Variants in SMC2 observed in about 807,000 individuals in gnomAD.
SMC2 encodes the protein structural maintenance of chromosomes 2, also known as structural maintenance of chromosomes protein 2.
Under a neutral mutation model 142.6 loss-of-function variants are expected in SMC2, and 41 were observed. The observed-to-expected ratio is 0.29, with a 90% CI of 0.22 to 0.37. The LOEUF (loss-of-function observed/expected upper bound fraction) is 0.37. SMC2 is among the 10% of genes least tolerant of loss of function. The probability of loss-of-function intolerance (pLI) is 1.00; values close to 1 mark genes in which losing one functional copy is unlikely to be tolerated. For missense variants in SMC2, 1,265 were observed against 1,373.7 expected, an observed-to-expected ratio of 0.92 and a Z score of 1.25; for synonymous variants, 463 against 457.5, an observed-to-expected ratio of 1.01 and a Z score of -0.15.
At chr9:104,094,131 C>G (rs1045013176), upstream of SMC2, 7 of 368,908 alleles carry the variant, frequency 1.9e-5, no homozygotes, top group Middle Eastern at 6.9e-4. Flanking sequence ...TCCTGTAGTG[C>G]CCAGGCCCCT....
chr9:104,112,432 T>A (rs1372005477), intron 10 of SMC2, among the ~76,000 whole-genome samples: 1 of 152,138 alleles, frequency 6.6e-6, no homozygotes, highest in African/African-American at 2.4e-5. Context: ...GCAGAAAAAA[T>A]ACATGTACAC....
At position 104,124,209 on chromosome 9, in the gene SMC2, C is replaced by T. The variant is rs1179540941; in HGVS notation, c.2258-703C>T. ...TGGGTTCAGGTGCCTTCCTCAGCCTCCCGAGTAGCTGGGACTACAGGCGTG... is the reference window on the plus strand; with the variant it reads ...TGGGTTCAGGTGCCTTCCTCAGCCTTCCGAGTAGCTGGGACTACAGGCGTG... On this transcript the variant is annotated intron_variant, in intron 17 of 24. Transcript: ENST00000374793. Among the ~76,000 whole-genome samples, 5 of 152,266 alleles carry T rather than the reference C, an allele frequency of 3.3e-5. No individual in the cohort carries two copies. In the East Asian group the frequency reaches 9.7e-4, roughly 30 times the overall value.
rs1835913504 is a variant in SMC2 at position 104,139,827 on chromosome 9, C to T, written c.*512C>T. On this transcript the variant is annotated 3_prime_UTR_variant, in exon 25 of 25. Coordinates refer to ENST00000374793, the MANE Select transcript of SMC2 (RefSeq NM_006444.3). ...AGGCTAGTTTTTTAAGGCCACAACT[C>T]CAGACCCCTGATTTAGACTGAGATA... 1 of 152,246 alleles carries T rather than the reference C, an allele frequency of 6.6e-6. No individual in the cohort carries two copies. The highest frequency in any genetic ancestry group is 2.1e-4 in the South Asian group (1 of 4,822). The allele number at this position is 152,246 out of a possible 1,614,324, so 9.4% of individuals were successfully genotyped here. A position where few individuals can be genotyped will look rare whatever the true frequency, so the allele number is the denominator to read the frequency against.
chr9:104,116,200 G>A lies in SMC2; in HGVS notation c.1672G>A (p.Val558Ile), dbSNP rs1428758652. Residue 558 changes from valine to isoleucine, a missense_variant and splice_region_variant, in exon 14 of 25, where the codon GTT (valine) becomes ATT (isoleucine). Physicochemically the swap from Val to Ile is conservative, Grantham distance 29. Around this residue, in one of 4 missense-constraint regions of SMC2, gnomAD observed 898 missense variants for 904.2 expected, o/e 0.99. Coordinates refer to ENST00000374793, the MANE Select transcript of SMC2 (RefSeq NM_006444.3). Reference sequence around the variant, plus strand: ...TTTTAAATTCAAATGTGTGTTGTAGGTTACTGGTAAAAAGCTACTAGAAAG... The same window carrying A: ...TTTTAAATTCAAATGTGTGTTGTAGATTACTGGTAAAAAGCTACTAGAAAG... Reference protein sequence around the residue: ...RLYNVVVDTEVTGKKLLERGE... With the variant: ...RLYNVVVDTEITGKKLLERGE... The A allele has an allele frequency of 2.5e-6, 4 of 1,588,264 alleles. No individual in the cohort carries two copies.
rs75432472 is a variant in SMC2, at chr9:104,135,472, T to C, written c.3269+897T>C. ...CCAGCTTTAGTGTTCTAAGGGAAGCTGTCTAATGGGCAAGTAATTGGAGTT... is the reference window on the plus strand; with the variant it reads ...CCAGCTTTAGTGTTCTAAGGGAAGCCGTCTAATGGGCAAGTAATTGGAGTT... On this transcript the variant is annotated intron_variant, in intron 23 of 24. Coordinates refer to ENST00000374793, the MANE Select transcript of SMC2 (RefSeq NM_006444.3). Among the ~76,000 whole-genome samples the C allele has an allele frequency of 5.5e-3, 832 of 152,260 alleles. 2 individuals are homozygous for C. Among genetic ancestry groups the C allele is most frequent in the East Asian group, 0.015 (80 of 5,184 alleles).
chr9:104,114,974 T>C (rs1357531399), intron 13 of SMC2, 145 bp downstream of exon 13: 1 of 552,380 alleles, frequency 1.8e-6, no homozygotes, highest in Non-Finnish European at 2.9e-6. Context: ...TTCATAACTT[T>C]TTGATAACTA....
At chr9:104,098,730 A>G (rs982763880) in intron 4 of SMC2, among the ~76,000 whole-genome samples, 162 bp downstream of exon 4, 3 of 152,010 alleles carry the variant, frequency 2.0e-5, no homozygotes, top group Non-Finnish European at 4.4e-5. Context: ...AGTTACTTGC[A>G]CTGATATATT....
At position 104,126,369 on chromosome 9, in the gene SMC2, T is replaced by A. The variant is rs77554058; in HGVS notation, c.2452-272T>A. ...AATTCATCTGTTACGTAGAATGTTA[T>A]ATTATTTTCCCTATAGGAATAAAGG... is the stretch of plus-strand genomic sequence containing the variant. On this transcript the variant is annotated intron_variant, in intron 18 of 24. Coordinates refer to ENST00000374793, the MANE Select transcript of SMC2 (RefSeq NM_006444.3). Among the ~76,000 whole-genome samples, 829 of 152,350 alleles carry A rather than the reference T, an allele frequency of 5.4e-3. 2 individuals carry two copies. Among genetic ancestry groups the A allele is most frequent in the East Asian group, 0.015 (77 of 5,182 alleles).
At chr9:104,130,402 A>C (rs1286649112) in intron 21 of SMC2, among the ~76,000 whole-genome samples, 1 of 152,130 alleles carries the variant, frequency 6.6e-6, no homozygotes, top group Non-Finnish European at 1.5e-5. Context: ...TGGGGGAAGC[A>C]TTCCCTACTC....
chr9:104,098,535 T>G lies in SMC2; in HGVS notation c.408T>G (p.Leu136=). Residue 136 remains leucine (L), a synonymous_variant, in exon 4 of 25, where the codon CTT becomes CTG. Coordinates refer to ENST00000374793, the MANE Select transcript of SMC2 (RefSeq NM_006444.3). The part of the protein sequence containing the change: ...RVQDLFCSVG[L]NVNNPHFLIM... ...AGGATCTCTTCTGTTCTGTTGGCCT[T>G]AATGTTAACAACCCTCACTTTCTCA... The G allele has an allele frequency of 6.3e-7, 1 of 1,596,370 alleles. No individual in the cohort carries two copies. The highest frequency in any genetic ancestry group is 1.4e-5 in the African/African-American group (1 of 73,892).
Position 104,126,629 on chromosome 9 carries a change from T to C in SMC2, c.2452-12T>C. ...AACCTATATGAATACCTGAATACTG[T>C]ATTTTTTATAGGAAGTTGAAGCTAT... On this transcript the variant is annotated splice_polypyrimidine_tract_variant and intron_variant, in intron 18 of 24. Transcript: ENST00000374793. The C allele has an allele frequency of 6.3e-7, 1 of 1,598,784 alleles. No homozygotes were observed. The highest frequency in any genetic ancestry group is 8.5e-7 in the Non-Finnish European group (1 of 1,174,816).
At chr9:104,109,843 T>A (rs988516835) in intron 9 of SMC2, among the ~76,000 whole-genome samples, 23 of 152,060 alleles carry the variant, frequency 1.5e-4, no homozygotes, top group African/African-American at 5.3e-4. Flanking sequence ...TATACAAAAA[T>A]CTATTATAAA....
At chr9:104,096,912 C>A (rs556777207) in intron 3 of SMC2, among the ~76,000 whole-genome samples, 46 of 152,228 alleles carry the variant, frequency 3.0e-4, no homozygotes, top group African/African-American at 1.0e-3. Flanking sequence ...ATCTTTCTTT[C>A]TTTTAATGGC....
intron 22 of SMC2, among the ~76,000 whole-genome samples, chr9:104,132,665 A>T (rs1157710969): frequency 6.6e-6 from 1 of 151,544 alleles, no homozygotes; most frequent in Admixed American, 6.6e-5. Flanking sequence ...TTCTGTAGGA[A>T]CTCTATCTTC....
intron 19 of SMC2, among the ~76,000 whole-genome samples, 162 bp from the exon 20 acceptor site, chr9:104,127,124 G>T (rs1172045936): frequency 6.6e-6 from 1 of 152,110 alleles, no homozygotes; most frequent in Non-Finnish European, 1.5e-5. Flanking sequence ...AAATTGATTA[G>T]TCCTTTTAAT....
chr9:104,132,146 A>T, intron 22 of SMC2, 21 bp downstream of exon 22: 1 of 1,244,126 alleles, frequency 8.0e-7, no homozygotes, highest in Non-Finnish European at 1.2e-6. Flanking sequence ...TGTTTGTTTT[A>T]TATGAGGTTG....
At chr9:104,124,132 C>T (rs1834019008) in intron 17 of SMC2, among the ~76,000 whole-genome samples, 1 of 152,088 alleles carries the variant, frequency 6.6e-6, no homozygotes, top group East Asian at 1.9e-4. Context: ...TCTCTCTGTC[C>T]CCAGGCTGGA....
chr9:104,104,128 C>T (rs570792722), intron 9 of SMC2, among the ~76,000 whole-genome samples: 17 of 152,218 alleles, frequency 1.1e-4, no homozygotes, highest in East Asian at 3.9e-4. Context: ...TAAACTCTCA[C>T]GCCATAGGTG....
rs1833092640 is a variant in SMC2, at chr9:104,116,206, G to A, written c.1678G>A (p.Gly560Ser). The stretch of plus-strand genomic sequence containing the variant: ...ATTCAAATGTGTGTTGTAGGTTACT[G>A]GTAAAAAGCTACTAGAAAGGGGGGA... ...YNVVVDTEVT[G>S]KKLLERGELK... Residue 560 changes from glycine (G) to serine (S), a missense_variant, in exon 14 of 25, where the codon GGT (glycine) becomes AGT (serine). Gly to Ser is a moderately conservative substitution (Grantham distance 56). Around this residue, in one of 4 missense-constraint regions of SMC2, gnomAD observed 898 missense variants for 904.2 expected, o/e 0.99. Transcript: ENST00000374793. 6.3e-7 allele frequency: 1 copy of A among 1,592,098 alleles called. No individual in the cohort carries two copies. Among genetic ancestry groups the A allele is most frequent in the Non-Finnish European group, 8.5e-7 (1 of 1,173,654 alleles).
Sources: gnomAD v4.1 joint callset for allele counts (sites outside exome capture counted in the v4.1 genomes callset) on GRCh38, gnomAD v4.1.1 for gene constraint, gnomAD v4.1.1 regional missense constraint, MANE v1.5 for transcripts, NCBI Gene and HGNC (gene_info 2026-07-23, HGNC 2026-07-21) for gene names.